USP25: variants seen among roughly 807,000 people sequenced by gnomAD.
USP25 encodes the protein ubiquitin carboxyl-terminal hydrolase 25.
In USP25, 85 loss-of-function variants were observed where a neutral mutation model predicts 158.5. The ratio of observed to expected loss-of-function variants is 0.54; its 90% confidence interval spans 0.45 to 0.64. The LOEUF (loss-of-function observed/expected upper bound fraction) is 0.64, where lower values mean the gene tolerates loss of function less well. Among genes scored for constraint, USP25 ranks in the 30% least tolerant of loss-of-function variants. The pLI, the probability that USP25 is intolerant of heterozygous loss-of-function variation, is 0.00. For synonymous variants in USP25, 464 were observed against 460.4 expected (o/e 1.01, Z -0.10); for missense variants, 1,242 against 1,327.3 (o/e 0.94, Z 1.00).
At chr21:15,730,510 G>A in intron 1 of USP25, 72 bp downstream of exon 1, 8 of 1,287,944 alleles carry the variant, frequency 6.2e-6, no homozygotes, top group Non-Finnish European at 7.9e-6. Flanking sequence ...CTGCGGCCGG[G>A]CGCCCCGGCC....
chr21:15,803,385 A>G (rs1031684343), intron 6 of USP25, among the ~76,000 whole-genome samples: 1 of 151,992 alleles, frequency 6.6e-6, no homozygotes, highest in Non-Finnish European at 1.5e-5. Flanking sequence ...TCCTGCAATT[A>G]TATATAAAGG....
Position 15,874,438 on chromosome 21 carries a change from A to G in USP25, c.2921A>G (p.Tyr974Cys), listed in dbSNP as rs375379086. 3 of 1,610,682 alleles carry G rather than the reference A, an allele frequency of 1.9e-6. No homozygotes were observed. The highest frequency in any genetic ancestry group is 2.5e-6 in the Non-Finnish European group (3 of 1,177,906). The part of the protein sequence containing the change: ...IDSLLFLICA[Y>C]QNNKELLSKG... ...TCCTTGCTGTTCCTCATCTGTGCTT[A>G]TCAGAATAACAAAGAACTCTTGTCT... Residue 974 changes from tyrosine to cysteine, a missense_variant, in exon 24 of 26, where the codon TAT (tyrosine) becomes TGT (cysteine). By Grantham distance (194) the Tyr-to-Cys change is radical (BLOSUM62 -2). This residue lies in a region of USP25 where 608 missense variants were observed against 605.2 expected (regional missense o/e 1.00). Coordinates refer to ENST00000400183, the MANE Select transcript of USP25 (RefSeq NM_001283041.3).
At chr21:15,831,862 A>G (rs1177457100) in intron 16 of USP25, among the ~76,000 whole-genome samples, 1 of 152,180 alleles carries the variant, frequency 6.6e-6, no homozygotes, top group Non-Finnish European at 1.5e-5. Context: ...CGTCCTTGCT[A>G]AAAATGCTTT....
chr21:15,814,594 A>G (rs944361530), intron 9 of USP25, among the ~76,000 whole-genome samples: 4 of 152,242 alleles, frequency 2.6e-5, no homozygotes, highest in African/African-American at 9.6e-5. Context: ...AACTGAAGCA[A>G]AGGTGACTCT....
intron 1 of USP25, among the ~76,000 whole-genome samples, chr21:15,751,853 AAT>A (rs2033037559): frequency 6.6e-6 from 1 of 152,202 alleles, no homozygotes; most frequent in African/African-American, 2.4e-5. Context: ...TTTTGGGAGA[AAT>A]ACATTTAGAG....
At chr21:15,784,644 G>A (rs528987015) in intron 4 of USP25, among the ~76,000 whole-genome samples, 1 of 152,130 alleles carries the variant, frequency 6.6e-6, no homozygotes, top group African/African-American at 2.4e-5. Flanking sequence ...GGAGTGAGGG[G>A]AAAAAGTCTA....
chr21:15,745,469 TTTTC>T (rs2032460732), intron 1 of USP25, among the ~76,000 whole-genome samples: 1 of 145,076 alleles, frequency 6.9e-6, no homozygotes, highest in Non-Finnish European at 1.5e-5. Context: ...TTTCTTTTTC[TTTTC>T]TTTTTTTTTT....
chr21:15,826,939 T>C lies in USP25; in HGVS notation c.1467-38T>C. On this transcript the variant is annotated intron_variant, in intron 13 of 25. Transcript: ENST00000400183. This position sits in a 1 kb window ranked among gnomAD's most constrained non-coding sequence, Gnocchi z 4.8. ...ACGATCTTTGTCAAGAGTTTCAGCT[T>C]GAAAGGTTAATAAGAAATACTCTAT... The C allele has an allele frequency of 6.2e-7, 1 of 1,601,050 alleles. No homozygotes were observed. Among genetic ancestry groups the C allele is most frequent in the South Asian group, 1.1e-5 (1 of 90,812 alleles).
chr21:15,747,416 TTATCTA>T (rs1017114242), intron 1 of USP25, among the ~76,000 whole-genome samples: 90 of 151,876 alleles, frequency 5.9e-4, no homozygotes, highest in Non-Finnish European at 1.0e-3. Flanking sequence ...TAGTTTTTTC[TTATCTA>T]TATATACCTG....
At chr21:15,829,277 C>A (rs1174850880) in intron 14 of USP25, among the ~76,000 whole-genome samples, 1 of 152,100 alleles carries the variant, frequency 6.6e-6, no homozygotes, top group African/African-American at 2.4e-5. Context: ...AGCACAGTAC[C>A]TGATAGGTGG....
At chr21:15,862,100 T>C (rs1321821507) in intron 20 of USP25, among the ~76,000 whole-genome samples, 1 of 152,168 alleles carries the variant, frequency 6.6e-6, no homozygotes, top group African/African-American at 2.4e-5. Context: ...ACTCCGTGCA[T>C]GTAAACCTGC....
chr21:15,743,013 G>A (rs1003821290), intron 1 of USP25, among the ~76,000 whole-genome samples: 1 of 152,238 alleles, frequency 6.6e-6, no homozygotes, highest in Non-Finnish European at 1.5e-5. Context: ...GGGTGTCATA[G>A]CTTCTGCCTG....
chr21:15,807,188 A>G (rs1253799470), intron 7 of USP25, among the ~76,000 whole-genome samples: 1 of 152,300 alleles, frequency 6.6e-6, no homozygotes, highest in African/African-American at 2.4e-5. Context: ...TTGGCCTCCC[A>G]AAGTGCTAGG....
At chr21:15,821,274 C>T (rs765829660) in intron 10 of USP25, among the ~76,000 whole-genome samples, 45 of 151,644 alleles carry the variant, frequency 3.0e-4, no homozygotes, top group Middle Eastern at 3.4e-3. Context: ...TAGAGCTTTA[C>T]GTCAGTGTTT....
At chr21:15,767,549 G>A (rs376805775) in intron 3 of USP25, among the ~76,000 whole-genome samples, 1 of 151,992 alleles carries the variant, frequency 6.6e-6, no homozygotes, top group South Asian at 2.1e-4. Context: ...CCAATGAAAG[G>A]GAATGAAGTT....
chr21:15,800,692 C>T (rs2036090699), intron 6 of USP25, among the ~76,000 whole-genome samples: 1 of 151,378 alleles, frequency 6.6e-6, no homozygotes, highest in Non-Finnish European at 1.5e-5. Flanking sequence ...GGACTTATTG[C>T]CAAGGCAAGG....
chr21:15,776,659 C>T (rs1041869628), intron 3 of USP25, among the ~76,000 whole-genome samples: 2 of 151,360 alleles, frequency 1.3e-5, no homozygotes, highest in Non-Finnish European at 1.5e-5. Flanking sequence ...CTGGGCAAGA[C>T]GCAAAACCTT....
At position 15,827,320 on chromosome 21, in the gene USP25, T is replaced by A. The variant is rs1039861337; in HGVS notation, c.1693+117T>A. 4 of 934,502 alleles carry A rather than the reference T, an allele frequency of 4.3e-6. No individual in the cohort carries two copies. In the African/African-American group the frequency reaches 6.7e-5, roughly 16 times the overall value. The allele number at this position is 934,502 out of a possible 1,614,324, so 57.9% of individuals were successfully genotyped here. ...TTTAAATATTATAGTCATTTTTCTT[T>A]TCCAGAAAGGGTTTTAAGATAAACT... On this transcript the variant is annotated intron_variant, in intron 14 of 25. Transcript: ENST00000400183.
In USP25 at chr21:15,730,197, A is replaced by T; in HGVS notation, c.-197A>T. 5.1e-6 allele frequency: 2 copies of T among 388,426 alleles called. No homozygotes were observed. The highest frequency in any genetic ancestry group is 1.0e-4 in the South Asian group (1 of 9,562). 24.1% of individuals were successfully genotyped at this position (388,426 alleles called of 1,614,324 possible). A position where few individuals can be genotyped will look rare whatever the true frequency, so the allele number is the denominator to read the frequency against. The stretch of plus-strand genomic sequence containing the variant: ...GTGAGGCGGCCGCCGTGGCCCTCAC[A>T]GTCGGCGTTTCGCCGCCTGCCCGCG... On this transcript the variant is annotated 5_prime_UTR_variant, in exon 1 of 26. Coordinates refer to ENST00000400183, the MANE Select transcript of USP25 (RefSeq NM_001283041.3).
Sources: gnomAD v4.1 joint callset for allele counts (sites outside exome capture counted in the v4.1 genomes callset) on GRCh38, gnomAD v4.1.1 for gene constraint, gnomAD v4.1.1 regional missense constraint, Gnocchi (gnomAD v3.1) non-coding constraint, MANE v1.5 for transcripts, NCBI Gene and HGNC (gene_info 2026-07-23, HGNC 2026-07-21) for gene names.